The following CXCL16 variants were observed in gnomAD, a reference collection of about 807,000 sequenced individuals.
CXCL16 encodes the protein C-X-C motif chemokine 16.
Under a neutral mutation model 23.8 loss-of-function variants are expected in CXCL16, and 18 were observed. The observed-to-expected ratio is 0.76, with a 90% CI of 0.52 to 1.12. The LOEUF (loss-of-function observed/expected upper bound fraction) is 1.12. Ranked by LOEUF, CXCL16 falls within the 50% of genes most tolerant of loss-of-function variation. The pLI is 0.00. For missense variants in CXCL16, 297 were observed against 315.4 expected, an observed-to-expected ratio of 0.94 and a Z score of 0.44; for synonymous variants, 123 against 132.5, an observed-to-expected ratio of 0.93 and a Z score of 0.49.
intron 3 of CXCL16, among the ~76,000 whole-genome samples, chr17:4,736,887 C>T (rs994206002): frequency 9.2e-5 from 14 of 152,066 alleles, no homozygotes; most frequent in African/African-American, 3.1e-4. Flanking sequence ...GGCCTGATCT[C>T]GGCTCACTGC....
chr17:4,738,710 A>G lies in CXCL16; in HGVS notation c.218+72T>C. 6.6e-7 allele frequency: 1 copy of G among 1,504,826 alleles called. No individual in the cohort carries two copies. The highest frequency in any genetic ancestry group is 1.4e-5 in the African/African-American group (1 of 72,436). 93.2% of individuals were successfully genotyped at this position (1,504,826 alleles called of 1,614,324 possible). On this transcript the variant is annotated intron_variant, in intron 2 of 5. Transcript: ENST00000293778. The surrounding 1 kb of genome is among the most constrained non-coding windows in gnomAD (Gnocchi z 4.0). ...GCCGGGAAGGAGTTCAGGCTGGACC[A>G]GAGAGGGTCCTGGAGGCACCTGCAA...
At position 4,735,521 on chromosome 17, in the gene CXCL16, G is replaced by T; in HGVS notation, c.302-13C>A. On this transcript the variant is annotated splice_polypyrimidine_tract_variant and intron_variant, in intron 3 of 5. Transcript: ENST00000293778. ...GCATGTCCACATTCTGGAAAGGAAA[G>T]AAATGAGGAATCAGGACTATCAGGA... The T allele has an allele frequency of 6.7e-7, 1 of 1,499,924 alleles. No individual in the cohort carries two copies. Among genetic ancestry groups the T allele is most frequent in the Non-Finnish European group, 8.9e-7 (1 of 1,122,882 alleles). 92.9% of individuals were successfully genotyped at this position (1,499,924 alleles called of 1,614,324 possible). A position where few individuals can be genotyped will look rare whatever the true frequency, so the allele number is the denominator to read the frequency against.
intron 3 of CXCL16, among the ~76,000 whole-genome samples, chr17:4,737,203 C>G (rs1916177508): frequency 6.6e-6 from 1 of 152,084 alleles, no homozygotes; most frequent in Non-Finnish European, 1.5e-5. Flanking sequence ...GAAAAAAAAG[C>G]ATTAAAATAT....
chr17:4,737,064 G>A (rs1163394734), intron 3 of CXCL16, among the ~76,000 whole-genome samples: 3 of 151,752 alleles, frequency 2.0e-5, no homozygotes, highest in African/African-American at 7.3e-5. Context: ...TGATCCACCG[G>A]CCTCAACCTC....
In CXCL16 at chr17:4,734,263, C is replaced by T; in HGVS notation, c.*240G>A. On this transcript the variant is annotated 3_prime_UTR_variant, in exon 6 of 6. Transcript: ENST00000293778. ...ACATAGAATTTGTCCAAGTTATTAT[C>T]ACCCAGTGTGAAAAGCAGATTTTAT... is the stretch of plus-strand genomic sequence containing the variant. 1 of 205,766 alleles carries T rather than the reference C, an allele frequency of 4.9e-6. No homozygotes were observed. Among genetic ancestry groups the T allele is most frequent in the Middle Eastern group, 2.2e-3 (1 of 454 alleles). The allele number at this position is 205,766 out of a possible 1,614,324, so 12.7% of individuals were successfully genotyped here. A position where few individuals can be genotyped will look rare whatever the true frequency, so the allele number is the denominator to read the frequency against.
rs557997725 is a variant in CXCL16 at position 4,738,035 on chromosome 17, C to G, written c.301+373G>C. On this transcript the variant is annotated intron_variant, in intron 3 of 5. Transcript: ENST00000293778. This position sits in a 1 kb window ranked among gnomAD's most constrained non-coding sequence, Gnocchi z 4.0. ...ATCCCAGCTACTCAGGAGGCTGAGGCAGGAGAATCTCTTGAACCTGGGAGG... is the reference window on the plus strand; with the variant it reads ...ATCCCAGCTACTCAGGAGGCTGAGGGAGGAGAATCTCTTGAACCTGGGAGG... Among the ~76,000 whole-genome samples, 1 of 143,248 alleles carries G rather than the reference C, an allele frequency of 7.0e-6. No individual in the cohort carries two copies. Among genetic ancestry groups the G allele is most frequent in the South Asian group, 2.3e-4 (1 of 4,412 alleles). 94.0% of individuals were successfully genotyped at this position (143,248 alleles called of 152,430 possible). A position where few individuals can be genotyped will look rare whatever the true frequency, so the allele number is the denominator to read the frequency against.
chr17:4,737,368 A>ACT, intron 3 of CXCL16, among the ~76,000 whole-genome samples: 1 of 146,330 alleles, frequency 6.8e-6, no homozygotes. Flanking sequence ...ACCTGAGGTC[A>ACT]GGAGTTTGAG....
At position 4,733,537 on chromosome 17, in the gene CXCL16, G is replaced by T. The variant is rs966588546; in HGVS notation, c.*966C>A. ...ATGAAAATACATACTTCTTCATTCGGAGAGACAAAACAAGAACTAGAGTTT... is the reference window on the plus strand; with the variant it reads ...ATGAAAATACATACTTCTTCATTCGTAGAGACAAAACAAGAACTAGAGTTT... On this transcript the variant is annotated 3_prime_UTR_variant, in exon 6 of 6. Coordinates refer to ENST00000293778, the MANE Select transcript of CXCL16 (RefSeq NM_001386809.1). 17 of 202,010 alleles carry T rather than the reference G, an allele frequency of 8.4e-5. No individual in the cohort carries two copies. The highest frequency in any genetic ancestry group is 1.1e-4 in the Admixed American group (2 of 17,626). The allele number at this position is 202,010 out of a possible 1,614,324, so 12.5% of individuals were successfully genotyped here.
At position 4,739,710 on chromosome 17, in the gene CXCL16, T is replaced by G; in HGVS notation, c.-371A>C. The G allele has an allele frequency of 1.1e-6, 1 of 932,562 alleles. No homozygotes were observed. 57.8% of individuals were successfully genotyped at this position (932,562 alleles called of 1,614,324 possible). A position where few individuals can be genotyped will look rare whatever the true frequency, so the allele number is the denominator to read the frequency against. ...GAGGACGACGGCCCGAGGAGCCGAT[T>G]CGGTTCGGTTCAGGAGGCCGCCCGC... On this transcript the variant is annotated 5_prime_UTR_variant, in exon 1 of 6. Coordinates refer to ENST00000293778, the MANE Select transcript of CXCL16 (RefSeq NM_001386809.1). The surrounding 1 kb of genome is among the most constrained non-coding windows in gnomAD (Gnocchi z 5.3).
rs568398938 is a variant in CXCL16, at chr17:4,738,828, G to A, written c.172C>T (p.Leu58Phe). 1 of 1,614,080 alleles carries A rather than the reference G, an allele frequency of 6.2e-7. No homozygotes were observed. The highest frequency in any genetic ancestry group is 1.3e-5 in the African/African-American group (1 of 74,936). ...SPPSVQFMNR[L>F]RKHLRAYHRC... ...TGGTAAGCTCTCAGGTGTTTCCGGA[G>A]ACGATTCATGAACTGAACCGATGGC... The change falls in exon 2 of 6, where the codon CTC becomes TTC. Residue 58 changes from leucine (L) to phenylalanine (F), a missense_variant. By Grantham distance (22) the Leu-to-Phe change is conservative (BLOSUM62 0). Transcript: ENST00000293778. This position sits in a 1 kb window ranked among gnomAD's most constrained non-coding sequence, Gnocchi z 4.0.
rs1916089527 is a variant in CXCL16, at chr17:4,734,447, TC to T, written c.*55del. On this transcript the variant is annotated 3_prime_UTR_variant, in exon 6 of 6. Coordinates refer to ENST00000293778, the MANE Select transcript of CXCL16 (RefSeq NM_001386809.1). Reference sequence around the variant, plus strand: ...TGGGAGGATCACTTGACTCAGGAGTTCCATAACAGCCTGGGCAACATAGAGT... The same window carrying T: ...TGGGAGGATCACTTGACTCAGGAGTTCATAACAGCCTGGGCAACATAGAGT... 3.6e-6 allele frequency: 2 copies of T among 558,052 alleles called. No individual in the cohort carries two copies. The highest frequency in any genetic ancestry group is 6.4e-5 in the East Asian group (2 of 31,090). The allele number at this position is 558,052 out of a possible 1,614,324, so 34.6% of individuals were successfully genotyped here. A position where few individuals can be genotyped will look rare whatever the true frequency, so the allele number is the denominator to read the frequency against.
chr17:4,736,888 G>T (rs377565586), intron 3 of CXCL16, among the ~76,000 whole-genome samples: 1 of 151,642 alleles, frequency 6.6e-6, no homozygotes, highest in African/African-American at 2.4e-5. Context: ...GCCTGATCTC[G>T]GCTCACTGCA....
rs375665266 is a variant in CXCL16, at chr17:4,738,771, G to T, written c.218+11C>A. The T allele has an allele frequency of 3.1e-6, 5 of 1,613,480 alleles. No individual in the cohort carries two copies. The African/African-American group carries it at 6.7e-5, about 22-fold the overall frequency. On this transcript the variant is annotated intron_variant, in intron 2 of 5. Transcript: ENST00000293778. The surrounding 1 kb of genome is among the most constrained non-coding windows in gnomAD (Gnocchi z 4.0). The stretch of plus-strand genomic sequence containing the variant: ...CCCAGGCGCTGCCCTCGCAGAGGCA[G>T]GTAAAATTACCTCGTGTAGTATAGA...
chr17:4,734,882 AG>A (rs1452597205), intron 4 of CXCL16, among the ~76,000 whole-genome samples: 1 of 152,218 alleles, frequency 6.6e-6, no homozygotes, highest in African/African-American at 2.4e-5. Flanking sequence ...TCCAAGCACT[AG>A]TCCTTGTGCC....
chr17:4,738,571 G>C lies in CXCL16; in HGVS notation c.219-81C>G. 8.3e-7 allele frequency: 1 copy of C among 1,197,996 alleles called. No homozygotes were observed. Among genetic ancestry groups the C allele is most frequent in the Non-Finnish European group, 1.2e-6 (1 of 833,388 alleles). 74.2% of individuals were successfully genotyped at this position (1,197,996 alleles called of 1,614,324 possible). A position where few individuals can be genotyped will look rare whatever the true frequency, so the allele number is the denominator to read the frequency against. ...TTCCTCATTCCAGAGGCGTGAAGTT[G>C]CCACCAAGAAAGAGCCCTTTCTCCT... On this transcript the variant is annotated intron_variant, in intron 2 of 5. Coordinates refer to ENST00000293778, the MANE Select transcript of CXCL16 (RefSeq NM_001386809.1). The surrounding 1 kb of genome is among the most constrained non-coding windows in gnomAD (Gnocchi z 4.0).
chr17:4,738,014 C>T lies in CXCL16; in HGVS notation c.301+394G>A, dbSNP rs1916210301. On this transcript the variant is annotated intron_variant, in intron 3 of 5. Transcript: ENST00000293778. The surrounding 1 kb of genome is among the most constrained non-coding windows in gnomAD (Gnocchi z 4.0). ...GCTTGGTGGTGCGCGCCTGTAATCC[C>T]AGCTACTCAGGAGGCTGAGGCAGGA... is the stretch of plus-strand genomic sequence containing the variant. Among the ~76,000 whole-genome samples, 1 of 147,946 alleles carries T rather than the reference C, an allele frequency of 6.8e-6. No homozygotes were observed. Among genetic ancestry groups the T allele is most frequent in the South Asian group, 2.1e-4 (1 of 4,778 alleles).
chr17:4,734,961 C>A, intron 4 of CXCL16, 131 bp downstream of exon 4: 1 of 904,796 alleles, frequency 1.1e-6, no homozygotes, highest in Non-Finnish European at 1.7e-6. Flanking sequence ...GGCCCAGAGT[C>A]AACCTTGTGC....
chr17:4,739,231 T>C lies in CXCL16; in HGVS notation c.79+30A>G. On this transcript the variant is annotated intron_variant, in intron 1 of 5. Transcript: ENST00000293778. The surrounding 1 kb of genome is among the most constrained non-coding windows in gnomAD (Gnocchi z 5.3). The stretch of plus-strand genomic sequence containing the variant: ...TCACCCCCTTCCCGTGACAGGGGAA[T>C]CTGGGTCCCCTGCCCCGCCCCCGGC... The C allele has an allele frequency of 6.4e-7, 1 of 1,569,160 alleles. No individual in the cohort carries two copies. The highest frequency in any genetic ancestry group is 8.6e-7 in the Non-Finnish European group (1 of 1,156,128).
chr17:4,738,774 A>G lies in CXCL16; in HGVS notation c.218+8T>C, dbSNP rs2250333. On this transcript the variant is annotated splice_region_variant and intron_variant, in intron 2 of 5. Transcript: ENST00000293778. This position sits in a 1 kb window ranked among gnomAD's most constrained non-coding sequence, Gnocchi z 4.0. ...AGGCGCTGCCCTCGCAGAGGCAGGT[A>G]AAATTACCTCGTGTAGTATAGACAC... 1,286,401 of 1,612,772 alleles carry G rather than the reference A, an allele frequency of 0.8. 517,122 individuals are homozygous for G. The highest frequency in any genetic ancestry group is 0.83 in the Non-Finnish European group (976,694 of 1,179,288).
Sources: gnomAD v4.1 joint callset for allele counts (sites outside exome capture counted in the v4.1 genomes callset) on GRCh38, gnomAD v4.1.1 for gene constraint, Gnocchi (gnomAD v3.1) non-coding constraint, MANE v1.5 for transcripts, NCBI Gene and HGNC (gene_info 2026-07-23, HGNC 2026-07-21) for gene names.